DNAH14: variants seen among roughly 807,000 people sequenced by gnomAD.
The protein encoded by DNAH14 is axonemal beta dynein heavy chain 14.
In DNAH14, 478 loss-of-function variants were observed where a neutral mutation model predicts 520.9. That is an observed-to-expected ratio of 0.92 (90% CI 0.85 to 0.99). The LOEUF (loss-of-function observed/expected upper bound fraction) is 0.99. Ranked by LOEUF, DNAH14 falls within the 50% of genes least tolerant of loss-of-function variation. DNAH14 has a pLI of 0.00. For missense variants in DNAH14, 4,831 were observed against 5,234.5 expected, an observed-to-expected ratio of 0.92 and a Z score of 2.38; for synonymous variants, 1,581 against 1,757.2, an observed-to-expected ratio of 0.90 and a Z score of 2.51.
rs1307273366 is a variant in DNAH14, at chr1:225,305,058, A to T, written c.8974A>T (p.Arg2992Trp). 2 of 1,538,294 alleles carry T rather than the reference A, an allele frequency of 1.3e-6. No homozygotes were observed. Among genetic ancestry groups the T allele is most frequent in the Admixed American group, 4.3e-5 (2 of 46,866 alleles). Residue 2992 changes from arginine to tryptophan, a missense_variant, in exon 58 of 86, where the codon AGG (arginine) becomes TGG (tryptophan). Coordinates refer to ENST00000682510, the MANE Select transcript of DNAH14 (RefSeq NM_001367479.1). ...TATGGAAACATTTGCACACATTTTG[A>T]GGGCACGAGAGGAAGAGATGCAAAC... ...QFMETFAHIL[R>W]AREEEMQTKR...
At chr1:225,056,241 G>C (rs1371714742) in intron 17 of DNAH14, among the ~76,000 whole-genome samples, 1 of 152,210 alleles carries the variant, frequency 6.6e-6, no homozygotes, top group Non-Finnish European at 1.5e-5. Context: ...ACTGGTGTGA[G>C]ATGGTTTCTC....
chr1:225,377,549 C>A, intron 79 of DNAH14, 113 bp downstream of exon 79: 1 of 1,072,826 alleles, frequency 9.3e-7, no homozygotes, highest in African/African-American at 1.6e-5. Context: ...TGCTTGAGCT[C>A]AGGAGTTCGA....
intron 82 of DNAH14, among the ~76,000 whole-genome samples, chr1:225,389,296 C>CAACT (rs2095876307): frequency 6.6e-6 from 1 of 152,200 alleles, no homozygotes; most frequent in Non-Finnish European, 1.5e-5. Flanking sequence ...CAAGGCTTCA[C>CAACT]AACTAGAATA....
chr1:224,950,739 A>C (rs1389766257), intron 1 of DNAH14, among the ~76,000 whole-genome samples: 1 of 152,246 alleles, frequency 6.6e-6, no homozygotes, highest in African/African-American at 2.4e-5. Flanking sequence ...TATGTCTACA[A>C]GCTAAGAATG....
At chr1:225,052,972 C>T (rs960285648) in intron 17 of DNAH14, among the ~76,000 whole-genome samples, 11 of 152,140 alleles carry the variant, frequency 7.2e-5, no homozygotes, top group African/African-American at 2.7e-4. Flanking sequence ...GATGCTCATG[C>T]ACTGGTTATC....
At chr1:225,160,673 TCAA>T (rs1273254919) in intron 35 of DNAH14, among the ~76,000 whole-genome samples, 1 of 152,172 alleles carries the variant, frequency 6.6e-6, no homozygotes, top group Non-Finnish European at 1.5e-5. Flanking sequence ...AATATAGAGT[TCAA>T]CAAACCACTA....
At chr1:225,228,282 C>G (rs966733374) in intron 41 of DNAH14, among the ~76,000 whole-genome samples, 4 of 152,152 alleles carry the variant, frequency 2.6e-5, no homozygotes, top group African/African-American at 9.7e-5. Flanking sequence ...GGGTATAGAT[C>G]AAAAGATTCT....
chr1:225,331,565 G>A lies in DNAH14; in HGVS notation c.9852G>A (p.Leu3284=). 1 of 1,551,258 alleles carries A rather than the reference G, an allele frequency of 6.4e-7. No homozygotes were observed. Among genetic ancestry groups the A allele is most frequent in the South Asian group, 1.2e-5 (1 of 83,972 alleles). ...FQCASVLLTV[L]EDEKTRWQET... ...GTGCGTCAGTCTTACTAACTGTCCT[G>A]GAAGATGAGAAGGCATGACTTACTT... is the stretch of plus-strand genomic sequence containing the variant. Residue 3284 remains leucine, a synonymous_variant, in exon 65 of 86, where the codon CTG becomes CTA. Transcript: ENST00000682510.
At chr1:225,101,212 ATTG>A (rs924712794) in intron 23 of DNAH14, among the ~76,000 whole-genome samples, 1 of 151,416 alleles carries the variant, frequency 6.6e-6, no homozygotes, top group African/African-American at 2.4e-5. Context: ...TTTTTAAAAT[ATTG>A]TTAGTTTTTA....
rs566889860 is a variant in DNAH14, at chr1:224,950,273, T to C, written c.-33-2397T>C. Reference sequence around the variant, plus strand: ...TTTTCTTTATTTACAAGTTGTCCTTTTTTTATGTCTGTGTTGGTGGGATTT... The same window carrying C: ...TTTTCTTTATTTACAAGTTGTCCTTCTTTTATGTCTGTGTTGGTGGGATTT... On this transcript the variant is annotated intron_variant, in intron 1 of 85. Coordinates refer to ENST00000682510, the MANE Select transcript of DNAH14 (RefSeq NM_001367479.1). 1.9e-4 allele frequency among the ~76,000 whole-genome samples: 29 copies of C among 152,300 alleles called. 1 individual carries two copies. Among genetic ancestry groups the C allele is most frequent in the African/African-American group, 7.0e-4 (29 of 41,576 alleles).
intron 1 of DNAH14, among the ~76,000 whole-genome samples, chr1:224,933,337 AG>A (rs1437512885): frequency 6.6e-6 from 1 of 152,016 alleles, no homozygotes; most frequent in Non-Finnish European, 1.5e-5. Context: ...TGGAGTTTTT[AG>A]GTATTTCTAG....
At chr1:225,013,513 C>T (rs996937147) in intron 10 of DNAH14, among the ~76,000 whole-genome samples, 1 of 152,204 alleles carries the variant, frequency 6.6e-6, no homozygotes, top group African/African-American at 2.4e-5. Context: ...CTCTTCAGAC[C>T]TGGCAGGCAG....
chr1:225,300,975 C>T lies in DNAH14; in HGVS notation c.8576C>T (p.Thr2859Ile), dbSNP rs2094128047. 1 of 1,551,206 alleles carries T rather than the reference C, an allele frequency of 6.4e-7. No individual in the cohort carries two copies. Among genetic ancestry groups the T allele is most frequent in the Non-Finnish European group, 8.7e-7 (1 of 1,146,850 alleles). The part of the protein sequence containing the change: ...DSIAMKIRYL[T>I]EQSGHMDNRQ... Reference sequence around the variant, plus strand: ...ATTGCAATGAAAATCAGATATCTTACTGAACAATCTGGTCATATGGATAAT... The same window carrying T: ...ATTGCAATGAAAATCAGATATCTTATTGAACAATCTGGTCATATGGATAAT... Residue 2859 changes from threonine (T) to isoleucine (I), a missense_variant, in exon 56 of 86, where the codon ACT becomes ATT. Thr to Ile is a moderately conservative substitution (Grantham distance 89, BLOSUM62 -1). Coordinates refer to ENST00000682510, the MANE Select transcript of DNAH14 (RefSeq NM_001367479.1).
At chr1:225,150,737 T>G (rs907383638) in intron 31 of DNAH14, among the ~76,000 whole-genome samples, 2 of 88,244 alleles carry the variant, frequency 2.3e-5, no homozygotes, top group African/African-American at 2.2e-4. Context: ...TCCACATACA[T>G]TTTTTTTTTA....
At chr1:224,968,933 G>A (rs1240115179) in intron 7 of DNAH14, 59 bp downstream of exon 7, 2 of 1,164,982 alleles carry the variant, frequency 1.7e-6, no homozygotes, top group East Asian at 5.5e-5. Context: ...AGGAGCAGTT[G>A]CCTGAGTGAC....
At chr1:225,022,179 G>C (rs1402943398) in intron 10 of DNAH14, among the ~76,000 whole-genome samples, 1 of 152,080 alleles carries the variant, frequency 6.6e-6, no homozygotes, top group Non-Finnish European at 1.5e-5. Context: ...TACCATTCTG[G>C]ACATCAACCT....
At chr1:225,048,287 G>C (rs1356437960) in intron 15 of DNAH14, among the ~76,000 whole-genome samples, 2 of 152,162 alleles carry the variant, frequency 1.3e-5, no homozygotes, top group Admixed American at 6.5e-5. Flanking sequence ...GATCACATGA[G>C]CTCAGGAGTT....
chr1:225,290,115 G>T, intron 55 of DNAH14, 33 bp downstream of exon 55: 2 of 1,328,754 alleles, frequency 1.5e-6, no homozygotes, highest in South Asian at 2.3e-5. Flanking sequence ...ATTTGCTGAA[G>T]TTTGATATCT....
intron 84 of DNAH14, among the ~76,000 whole-genome samples, chr1:225,393,982 C>T (rs922156609): frequency 3.3e-5 from 5 of 152,118 alleles, no homozygotes; most frequent in Admixed American, 3.3e-4. Flanking sequence ...CCACACCCGG[C>T]TAATATTTTT....
Sources: gnomAD v4.1 joint callset for allele counts (sites outside exome capture counted in the v4.1 genomes callset) on GRCh38, gnomAD v4.1.1 for gene constraint, MANE v1.5 for transcripts, NCBI Gene and HGNC (gene_info 2026-07-23, HGNC 2026-07-21) for gene names.